The following USP46 variants were observed in gnomAD, a reference collection of about 807,000 sequenced individuals.
The protein encoded by USP46 is ubiquitin carboxyl-terminal hydrolase 46.
In USP46, 12 loss-of-function variants were observed where a neutral mutation model predicts 44.4. The ratio of observed to expected loss-of-function variants is 0.27; its 90% CI spans 0.17 to 0.44. USP46 has a LOEUF of 0.44. Ranked by LOEUF, USP46 falls within the 20% of genes least tolerant of loss-of-function variation. The pLI, the probability that USP46 is intolerant of heterozygous loss-of-function variation, is 1.00. For missense variants in USP46, 248 were observed against 444.8 expected (o/e 0.56, Z 3.98); for synonymous variants, 155 against 161.5 (o/e 0.96, Z 0.31).
At chr4:52,634,990 C>T (rs562197914) in intron 1 of USP46, among the ~76,000 whole-genome samples, 26 of 152,340 alleles carry the variant, frequency 1.7e-4, no homozygotes, top group Admixed American at 3.9e-4. Context: ...CCCATAGACA[C>T]CCTGGATCTG....
intron 1 of USP46, among the ~76,000 whole-genome samples, chr4:52,654,426 T>G (rs145601185): frequency 3.0e-4 from 46 of 152,350 alleles, no homozygotes; most frequent in African/African-American, 9.1e-4. Flanking sequence ...AATACTTGCC[T>G]TAGGTAAGTA....
At chr4:52,622,354 C>T (rs555330387) in intron 4 of USP46, among the ~76,000 whole-genome samples, 3 of 152,036 alleles carry the variant, frequency 2.0e-5, no homozygotes, top group Non-Finnish European at 2.9e-5. Flanking sequence ...GATATATTTC[C>T]TAATTTAAAA....
intron 1 of USP46, among the ~76,000 whole-genome samples, chr4:52,639,137 T>G (rs1353058760): frequency 2.0e-5 from 3 of 152,194 alleles, no homozygotes; most frequent in Non-Finnish European, 2.9e-5. Context: ...GAATGTTTCA[T>G]GAGATCATGA....
intron 1 of USP46, among the ~76,000 whole-genome samples, chr4:52,650,277 A>C (rs890770448): frequency 4.6e-5 from 7 of 152,266 alleles, no homozygotes; most frequent in Admixed American, 1.3e-4. Flanking sequence ...GTCAGAATGA[A>C]TAAACTCGAC....
At chr4:52,619,678 G>T (rs73152476) in intron 4 of USP46, among the ~76,000 whole-genome samples, 3,559 of 152,228 alleles carry the variant, frequency 0.023, 117 homozygotes, top group African/African-American at 0.076. Flanking sequence ...GAAAGTACAG[G>T]GCTTTCTAAC....
At chr4:52,656,566 T>TA (rs1478687244) in intron 1 of USP46, 125 of 1,357,830 alleles carry the variant, frequency 9.2e-5, no homozygotes, top group Middle Eastern at 8.2e-4. Context: ...CACTGTCCCT[T>TA]AAACACCTGG....
chr4:52,641,258 A>G (rs1486544336), intron 1 of USP46, among the ~76,000 whole-genome samples: 1 of 152,206 alleles, frequency 6.6e-6, no homozygotes, highest in African/African-American at 2.4e-5. Context: ...CATAAGAAAC[A>G]TAGGGTTCTT....
At position 52,591,790 on chromosome 4, in the gene USP46, T is replaced by C. The variant is rs991854350; in HGVS notation, c.*5850A>G. On this transcript the variant is annotated 3_prime_UTR_variant, in exon 9 of 9. Transcript: ENST00000441222. ...TAAATCGCTTATGCCCTATCTTATT[T>C]TGGTAAGTCTAGATAGGCTCTAATT... 2 of 152,200 alleles carry C rather than the reference T, an allele frequency of 1.3e-5. No homozygotes were observed. Among genetic ancestry groups the C allele is most frequent in the African/African-American group, 2.4e-5 (1 of 41,450 alleles). 9.4% of individuals were successfully genotyped at this position (152,200 alleles called of 1,614,324 possible). A position where few individuals can be genotyped will look rare whatever the true frequency, so the allele number is the denominator to read the frequency against.
At chr4:52,628,294 C>A (rs1001798541) in intron 2 of USP46, 131 bp from the exon 3 acceptor site, 25 of 805,580 alleles carry the variant, frequency 3.1e-5, no homozygotes, top group Non-Finnish European at 4.6e-5. Flanking sequence ...GTCCAGCTCA[C>A]CATATTAGAA....
chr4:52,618,413 C>A (rs1717247918), intron 4 of USP46, among the ~76,000 whole-genome samples: 1 of 151,870 alleles, frequency 6.6e-6, no homozygotes, highest in Non-Finnish European at 1.5e-5. Flanking sequence ...GCGCTTGAAC[C>A]CAGGAAGCAG....
chr4:52,634,532 C>A lies in USP46; in HGVS notation c.37-3388G>T, dbSNP rs1212219954. On this transcript the variant is annotated intron_variant, in intron 1 of 8. Transcript: ENST00000441222. ...CTCAAAAAAAAAAAAAAAAAAAATT[C>A]TCCTGCCTCAGCCTCCTGAGTAGCT... Among the ~76,000 whole-genome samples the A allele has an allele frequency of 3.4e-5, 5 of 147,112 alleles. No individual in the cohort carries two copies. In the South Asian group the frequency reaches 6.5e-4, roughly 19 times the overall value.
intron 2 of USP46, among the ~76,000 whole-genome samples, chr4:52,629,438 A>T (rs899567748): frequency 6.6e-6 from 1 of 152,102 alleles, no homozygotes; most frequent in African/African-American, 2.4e-5. Flanking sequence ...CACTATCTGC[A>T]TTTGTATTTT....
At position 52,627,941 on chromosome 4, in the gene USP46, A is replaced by G. The variant is rs544022555; in HGVS notation, c.331+9T>C. Reference sequence around the variant, plus strand: ...GAGGCTTAAATACATTATACTGCATACTACTCACCATTCTCTTTTCTCAGC... The same window carrying G: ...GAGGCTTAAATACATTATACTGCATGCTACTCACCATTCTCTTTTCTCAGC... On this transcript the variant is annotated intron_variant, in intron 3 of 8. Coordinates refer to ENST00000441222, the MANE Select transcript of USP46 (RefSeq NM_022832.4). The G allele has an allele frequency of 2.4e-5, 38 of 1,609,638 alleles. No individual in the cohort carries two copies. The East Asian group carries it at 5.4e-4, about 23-fold the overall frequency.
chr4:52,628,629 T>C (rs1717688873), intron 2 of USP46, among the ~76,000 whole-genome samples: 1 of 152,254 alleles, frequency 6.6e-6, no homozygotes. Context: ...CTTGCTCGGC[T>C]GAAACAGCCT....
Position 52,597,485 on chromosome 4 carries a change from A to C in USP46, c.*155T>G. On this transcript the variant is annotated 3_prime_UTR_variant, in exon 9 of 9. Coordinates refer to ENST00000441222, the MANE Select transcript of USP46 (RefSeq NM_022832.4). ...AAAACCAAGAGTAGTGCTGCATGTA[A>C]AAACACAAAAGGAGAGAGTCTAACA... 1 of 615,492 alleles carries C rather than the reference A, an allele frequency of 1.6e-6. No homozygotes were observed. Among genetic ancestry groups the C allele is most frequent in the Non-Finnish European group, 2.9e-6 (1 of 347,322 alleles). 38.1% of individuals were successfully genotyped at this position (615,492 alleles called of 1,614,324 possible).
intron 1 of USP46, among the ~76,000 whole-genome samples, chr4:52,647,666 TC>T (rs1718597844): frequency 6.6e-6 from 1 of 152,234 alleles, no homozygotes; most frequent in Non-Finnish European, 1.5e-5. Flanking sequence ...GCATGTGTCT[TC>T]CAATGGCATT....
At chr4:52,610,668 A>G (rs1244330519) in intron 4 of USP46, 51 bp from the exon 5 acceptor site, 17 of 1,562,990 alleles carry the variant, frequency 1.1e-5, no homozygotes, top group Non-Finnish European at 8.8e-7. Context: ...TGTAGTAGAT[A>G]AAACTTTGAA....
chr4:52,657,149 C>T (rs1318562290), intron 1 of USP46, among the ~76,000 whole-genome samples: 2 of 151,696 alleles, frequency 1.3e-5, no homozygotes, highest in Non-Finnish European at 2.9e-5. Flanking sequence ...CAACATCAGA[C>T]TCCTTACTTA....
At chr4:52,644,622 C>T (rs1341565960) in intron 1 of USP46, among the ~76,000 whole-genome samples, 1 of 151,468 alleles carries the variant, frequency 6.6e-6, no homozygotes, top group African/African-American at 2.4e-5. Context: ...TGAGGTGGAA[C>T]GTTCATCCCA....
Sources: gnomAD v4.1 joint callset for allele counts (sites outside exome capture counted in the v4.1 genomes callset) on GRCh38, gnomAD v4.1.1 for gene constraint, MANE v1.5 for transcripts, NCBI Gene and HGNC (gene_info 2026-07-23, HGNC 2026-07-21) for gene names.